CHD9: variants seen among roughly 807,000 people sequenced by gnomAD.
The protein encoded by CHD9 is ATP-dependent chromatin remodeler CHD9.
A neutral mutation model predicts 316.1 loss-of-function variants in CHD9; 77 were observed. That is an observed-to-expected ratio of 0.24 (90% confidence interval 0.20 to 0.29). The LOEUF (loss-of-function observed/expected upper bound fraction) is 0.29. CHD9 is among the 10% of genes least tolerant of loss of function. CHD9 has a pLI of 1.00. For missense variants in CHD9, 2,763 were observed against 3,438.1 expected (o/e 0.80, Z 4.91); for synonymous variants, 1,129 against 1,158.3 (o/e 0.97, Z 0.51).
chr16:53,216,392 A>G (rs546925824), intron 3 of CHD9, among the ~76,000 whole-genome samples: 1 of 152,286 alleles, frequency 6.6e-6, no homozygotes, highest in Admixed American at 6.5e-5. Context: ...AATCTTTAAA[A>G]TTTACTAAAA....
chr16:53,185,519 AG>A (rs1183080635), intron 2 of CHD9, among the ~76,000 whole-genome samples: 3 of 152,208 alleles, frequency 2.0e-5, no homozygotes, highest in Non-Finnish European at 4.4e-5. Context: ...ATGAAAAAAA[AG>A]TAACCCATTT....
In CHD9 at chr16:53,128,104, A is replaced by G. The variant is rs1467989203; in HGVS notation, c.-164-27822A>G. On this transcript the variant is annotated intron_variant, in intron 1 of 38. Transcript: ENST00000447540. ...GAGGAGAGCCACTCCGTCATAGCACAGGCTTTCTGGATACCCAAATCCCTG... is the reference window on the plus strand; with the variant it reads ...GAGGAGAGCCACTCCGTCATAGCACGGGCTTTCTGGATACCCAAATCCCTG... Among the ~76,000 whole-genome samples the G allele has an allele frequency of 3.9e-5, 6 of 152,318 alleles. No homozygotes were observed. The East Asian group carries it at 1.2e-3, about 29-fold the overall frequency.
intron 3 of CHD9, among the ~76,000 whole-genome samples, chr16:53,217,782 AT>A (rs1250256390): frequency 2.0e-5 from 3 of 151,972 alleles, no homozygotes; most frequent in Non-Finnish European, 4.4e-5. Flanking sequence ...AAAAATTATA[AT>A]ATTTTAGAAA....
Position 53,238,543 on chromosome 16 carries a change from G to A in CHD9, c.2834G>A (p.Arg945Lys). The change falls in exon 12 of 39, where the codon AGA (arginine) becomes AAA (lysine). Residue 945 changes from arginine (R) to lysine (K), a missense_variant. This residue lies in a region of CHD9 where 186 missense variants were observed against 245.0 expected (regional missense o/e 0.76). Transcript: ENST00000447540. The stretch of plus-strand genomic sequence containing the variant: ...GTTTATCATGGGAGCCTGATTAGCA[G>A]ACAAATGATACAGCAATACGAGATG... The part of the protein sequence containing the change: ...VVVYHGSLIS[R>K]QMIQQYEMYF... 1 of 1,613,032 alleles carries A rather than the reference G, an allele frequency of 6.2e-7. No homozygotes were observed.
chr16:53,099,801 G>C (rs2036688710), intron 1 of CHD9, among the ~76,000 whole-genome samples: 1 of 152,202 alleles, frequency 6.6e-6, no homozygotes. Flanking sequence ...TCCCGGGAGA[G>C]AGCCCGCCAG....
At chr16:53,300,833 C>T (rs570747311) in intron 30 of CHD9, among the ~76,000 whole-genome samples, 1 of 152,334 alleles carries the variant, frequency 6.6e-6, no homozygotes, top group East Asian at 1.9e-4. Context: ...AGGCCAGATG[C>T]GGTGGCTCAC....
At chr16:53,216,399 A>G (rs1044794578) in intron 3 of CHD9, among the ~76,000 whole-genome samples, 1 of 152,230 alleles carries the variant, frequency 6.6e-6, no homozygotes, top group African/African-American at 2.4e-5. Flanking sequence ...AAAATTTACT[A>G]AAAGATAATA....
rs752464119 is a variant in CHD9, at chr16:53,292,864, T to C, written c.5322T>C (p.Tyr1774=). ...AACTGATGGAGGGTGATAAAGTATA[T>C]TGGCCTACTCAATCAGCTTTAACCA... The part of the protein sequence containing the change: ...DGQLMEGDKV[Y]WPTQSALTTR... Residue 1774 remains tyrosine, a synonymous_variant, in exon 29 of 39, where the codon TAT becomes TAC. Coordinates refer to ENST00000447540, the MANE Select transcript of CHD9 (RefSeq NM_001308319.2). The C allele has an allele frequency of 3.7e-6, 6 of 1,613,724 alleles. No homozygotes were observed. In the African/African-American group the frequency reaches 8.0e-5, roughly 22 times the overall value.
intron 13 of CHD9, among the ~76,000 whole-genome samples, chr16:53,244,044 C>G (rs961882957): frequency 3.3e-5 from 5 of 152,032 alleles, no homozygotes; most frequent in Non-Finnish European, 7.4e-5. Flanking sequence ...TTCGCAGATA[C>G]ATATACAAAT....
intron 2 of CHD9, among the ~76,000 whole-genome samples, chr16:53,179,800 G>A (rs1015355289): frequency 6.6e-6 from 1 of 151,688 alleles, no homozygotes; most frequent in African/African-American, 2.4e-5. Flanking sequence ...GGGAGGCTGA[G>A]GCAGGAAAAT....
chr16:53,096,267 T>C (rs1198965497), intron 1 of CHD9, among the ~76,000 whole-genome samples: 5 of 152,024 alleles, frequency 3.3e-5, no homozygotes, highest in African/African-American at 1.2e-4. Flanking sequence ...GCAAAGCCTT[T>C]CCCAGTTAGG....
At chr16:53,160,569 C>T (rs1436455685) in intron 2 of CHD9, among the ~76,000 whole-genome samples, 1 of 151,756 alleles carries the variant, frequency 6.6e-6, no homozygotes, top group Non-Finnish European at 1.5e-5. Context: ...TGTCCAAAAA[C>T]TGATAAAGGG....
At chr16:53,310,797 GC>G (rs1281705240) in intron 34 of CHD9, 1 of 151,316 alleles carries the variant, frequency 6.6e-6, no homozygotes, top group Admixed American at 6.6e-5. Flanking sequence ...GTTGCAGTGA[GC>G]CGAGGTCGGG....
chr16:53,257,398 C>G (rs2050698024), intron 19 of CHD9, among the ~76,000 whole-genome samples: 1 of 152,160 alleles, frequency 6.6e-6, no homozygotes, highest in Non-Finnish European at 1.5e-5. Context: ...AAATTTAACT[C>G]TAGCAGCAGC....
intron 20 of CHD9, among the ~76,000 whole-genome samples, chr16:53,264,379 A>C (rs1032225333): frequency 4.6e-5 from 7 of 152,204 alleles, no homozygotes; most frequent in Non-Finnish European, 8.8e-5. Flanking sequence ...TTAGAAACTA[A>C]ATTTTCTATA....
At position 53,303,904 on chromosome 16, in the gene CHD9, T is replaced by G. The variant is rs745952825; in HGVS notation, c.5898T>G (p.His1966Gln). The change falls in exon 31 of 39, where the codon CAT becomes CAG. Residue 1966 changes from histidine (H) to glutamine (Q), a missense_variant. Physicochemically the swap from His to Gln is conservative, Grantham distance 24. This residue lies in a region of CHD9 where 663 missense variants were observed against 751.2 expected (regional missense o/e 0.88). Coordinates refer to ENST00000447540, the MANE Select transcript of CHD9 (RefSeq NM_001308319.2). ...DLPVWWECGP[H>Q]DRDLLIGAAK... is the part of the protein sequence containing the mutation. ...CAGTCTGGTGGGAATGTGGCCCTCA[T>G]GATAGGGATTTGCTTATTGGTGCTG... is the stretch of plus-strand genomic sequence containing the variant. The G allele has an allele frequency of 1.2e-6, 2 of 1,614,024 alleles. No individual in the cohort carries two copies. The highest frequency in any genetic ancestry group is 1.7e-6 in the Non-Finnish European group (2 of 1,179,870).
chr16:53,133,006 G>T (rs1463459428), intron 1 of CHD9, among the ~76,000 whole-genome samples: 1 of 151,728 alleles, frequency 6.6e-6, no homozygotes, highest in Admixed American at 6.6e-5. Context: ...TTCACGTTAT[G>T]TAGTTATAGT....
At chr16:53,219,197 G>A (rs142807730) in intron 3 of CHD9, among the ~76,000 whole-genome samples, 8 of 152,232 alleles carry the variant, frequency 5.3e-5, no homozygotes, top group African/African-American at 1.9e-4. Context: ...TGCACTGATA[G>A]GGTTACGGAA....
At chr16:53,076,427 TAGTC>T (rs940821809) in intron 1 of CHD9, among the ~76,000 whole-genome samples, 1 of 151,864 alleles carries the variant, frequency 6.6e-6, no homozygotes, top group Non-Finnish European at 1.5e-5. Context: ...ATACAAAAAT[TAGTC>T]AGGCATGGTG....
Sources: gnomAD v4.1 joint callset for allele counts (sites outside exome capture counted in the v4.1 genomes callset) on GRCh38, gnomAD v4.1.1 for gene constraint, gnomAD v4.1.1 regional missense constraint, MANE v1.5 for transcripts, NCBI Gene and HGNC (gene_info 2026-07-23, HGNC 2026-07-21) for gene names.